Variants in LRGUK observed in about 807,000 individuals in gnomAD.
LRGUK encodes leucine rich repeats and guanylate kinase domain containing.
A neutral mutation model predicts 76.0 loss-of-function variants in LRGUK; 65 were observed. The observed-to-expected ratio is 0.85, with a 90% CI of 0.70 to 1.05. The LOEUF (loss-of-function observed/expected upper bound fraction) is 1.05, where lower values mean the gene tolerates loss of function less well. LRGUK is among the 50% of genes least tolerant of loss of function. LRGUK has a pLI of 0.00. For synonymous variants in LRGUK, 268 were observed against 265.6 expected, an observed-to-expected ratio of 1.01 and a Z score of -0.09; for missense variants, 758 against 732.8, an observed-to-expected ratio of 1.03 and a Z score of -0.40.
chr7:134,274,920 C>G, the LRGUK span, among the ~76,000 whole-genome samples: 1 of 152,004 alleles, frequency 6.6e-6, no homozygotes, highest in Non-Finnish European at 1.5e-5. Context: ...AGTTGTAGAG[C>G]AAAACTATTT....
intron 18 of LRGUK, 107 bp downstream of exon 18, chr7:134,249,183 G>A: frequency 1.6e-6 from 2 of 1,252,112 alleles, no homozygotes. Flanking sequence ...TGGGAAGCAG[G>A]GCCCTAACTC....
At chr7:134,145,205 G>T (rs1257935064) in intron 4 of LRGUK, among the ~76,000 whole-genome samples, 1 of 151,964 alleles carries the variant, frequency 6.6e-6, no homozygotes, top group Non-Finnish European at 1.5e-5. Flanking sequence ...TGTAGACCTG[G>T]GAAGGAATGA....
chr7:134,128,014 A>T (rs1449825278), intron 1 of LRGUK, among the ~76,000 whole-genome samples: 1 of 151,990 alleles, frequency 6.6e-6, no homozygotes, highest in Non-Finnish European at 1.5e-5. Context: ...GTGAATAGGC[A>T]GAGTTCATCT....
chr7:134,207,935 C>T (rs866643891), intron 15 of LRGUK, among the ~76,000 whole-genome samples: 4 of 152,230 alleles, frequency 2.6e-5, no homozygotes, highest in Middle Eastern at 3.4e-3. Context: ...TGAGACTGTC[C>T]CAGAGATCAG....
chr7:134,258,576 G>A (rs1288089752), intron 19 of LRGUK, among the ~76,000 whole-genome samples, 171 bp downstream of exon 19: 1 of 151,868 alleles, frequency 6.6e-6, no homozygotes, highest in Non-Finnish European at 1.5e-5. Flanking sequence ...GTGGGCACCT[G>A]TAGTCCCAGC....
At chr7:134,130,370 G>A (rs1797250131) in intron 1 of LRGUK, among the ~76,000 whole-genome samples, 1 of 151,334 alleles carries the variant, frequency 6.6e-6, no homozygotes, top group African/African-American at 2.4e-5. Context: ...TGGCTATGGG[G>A]TTCATTAGCA....
intron 11 of LRGUK, among the ~76,000 whole-genome samples, chr7:134,191,187 T>G (rs1337405570): frequency 6.6e-6 from 1 of 152,076 alleles, no homozygotes; most frequent in Non-Finnish European, 1.5e-5. Flanking sequence ...TATAAAGAGA[T>G]GAATAATCCA....
intron 3 of LRGUK, among the ~76,000 whole-genome samples, 153 bp downstream of exon 3, chr7:134,139,670 G>A (rs544130399): frequency 2.0e-5 from 3 of 152,226 alleles, no homozygotes; most frequent in South Asian, 2.1e-4. Context: ...AAAAGGCACC[G>A]ATAACTGCTG....
intron 10 of LRGUK, among the ~76,000 whole-genome samples, chr7:134,182,751 T>TG (rs1799808772): frequency 6.6e-6 from 1 of 151,762 alleles, no homozygotes; most frequent in Non-Finnish European, 1.5e-5. Context: ...GAGATTTTAT[T>TG]ATTATGATGA....
intron 2 of LRGUK, among the ~76,000 whole-genome samples, chr7:134,138,835 T>C (rs957829097): frequency 6.6e-6 from 1 of 152,200 alleles, no homozygotes; most frequent in Admixed American, 6.5e-5. Flanking sequence ...TAGATACTGC[T>C]TCTCTATAAC....
At chr7:134,173,837 C>T (rs183593144) in intron 7 of LRGUK, among the ~76,000 whole-genome samples, 6 of 152,136 alleles carry the variant, frequency 3.9e-5, no homozygotes, top group African/African-American at 9.6e-5. Flanking sequence ...AGGCTTTGGC[C>T]GGGTGGCTCA....
At chr7:134,150,308 A>C (rs1396684933) in intron 5 of LRGUK, among the ~76,000 whole-genome samples, 1 of 151,832 alleles carries the variant, frequency 6.6e-6, no homozygotes, top group African/African-American at 2.4e-5. Flanking sequence ...AAAACAAAAA[A>C]AAAATTAGCT....
intron 5 of LRGUK, among the ~76,000 whole-genome samples, chr7:134,150,794 A>T (rs1296585691): frequency 6.6e-6 from 1 of 152,238 alleles, no homozygotes; most frequent in Non-Finnish European, 1.5e-5. Flanking sequence ...ATGACTTTGT[A>T]AATGTCAGAT....
At chr7:134,238,749 TTC>T (rs916758164) in intron 16 of LRGUK, among the ~76,000 whole-genome samples, 17 of 152,326 alleles carry the variant, frequency 1.1e-4, no homozygotes, top group Non-Finnish European at 2.2e-4. Context: ...CTCCTCCTTT[TTC>T]TCTCACAATA....
chr7:134,139,357 C>A, intron 2 of LRGUK, 79 bp from the exon 3 acceptor site: 1 of 864,202 alleles, frequency 1.2e-6, no homozygotes, highest in Non-Finnish European at 1.8e-6. Context: ...GGATTTCTTT[C>A]CATCAAGAGT....
intron 15 of LRGUK, among the ~76,000 whole-genome samples, chr7:134,216,641 T>G (rs1001100948): frequency 1.3e-5 from 2 of 152,196 alleles, no homozygotes; most frequent in Admixed American, 1.3e-4. Context: ...ATCATTTATA[T>G]TCTGGGTTTC....
the LRGUK span, among the ~76,000 whole-genome samples, chr7:134,272,500 A>G: frequency 2.0e-5 from 3 of 152,188 alleles, no homozygotes; most frequent in Non-Finnish European, 4.4e-5. Flanking sequence ...AGAAGTAAAT[A>G]CCACACAAAT....
chr7:134,246,584 C>T (rs1345938584), intron 16 of LRGUK, among the ~76,000 whole-genome samples: 1 of 152,202 alleles, frequency 6.6e-6, no homozygotes, highest in South Asian at 2.1e-4. Flanking sequence ...CTTTCCCTTG[C>T]ATGCTTGTTT....
At chr7:134,237,723 C>T (rs1457935794) in intron 16 of LRGUK, among the ~76,000 whole-genome samples, 2 of 152,144 alleles carry the variant, frequency 1.3e-5, no homozygotes, top group Non-Finnish European at 2.9e-5. Context: ...TTGTTGTTAC[C>T]AGGGATGTTC....
Sources: gnomAD v4.1 joint callset for allele counts (sites outside exome capture counted in the v4.1 genomes callset) on GRCh38, gnomAD v4.1.1 for gene constraint, MANE v1.5 for transcripts, NCBI Gene and HGNC (gene_info 2026-07-23, HGNC 2026-07-21) for gene names.